Variants in ABCC1 observed in about 807,000 individuals in gnomAD.
The protein encoded by ABCC1 is ATP binding cassette subfamily C member 1 (ABCC1 blood group), also known as multidrug resistance-associated protein 1.
Under a neutral mutation model 172.9 loss-of-function variants are expected in ABCC1, and 83 were observed. The observed-to-expected ratio is 0.48, with a 90% CI of 0.40 to 0.58. The LOEUF is 0.58. Ranked by LOEUF, ABCC1 falls within the 20% of genes least tolerant of loss-of-function variation. The pLI, the probability that ABCC1 is intolerant of heterozygous loss-of-function variation, is 0.00. For synonymous variants in ABCC1, 937 were observed against 825.2 expected (o/e 1.14, Z -2.32); for missense variants, 1,817 against 2,002.7 (o/e 0.91, Z 1.77).
At chr16:16,009,589 C>T (rs933815431) in intron 2 of ABCC1, among the ~76,000 whole-genome samples, 187 bp from the exon 3 acceptor site, 2 of 152,174 alleles carry the variant, frequency 1.3e-5, no homozygotes, top group African/African-American at 4.8e-5. Context: ...ACGTGCCGGC[C>T]TGGATGCCAG....
chr16:16,071,758 G>T, intron 14 of ABCC1, 29 bp downstream of exon 14: 3 of 1,594,410 alleles, frequency 1.9e-6, no homozygotes, highest in Non-Finnish European at 1.7e-6. Context: ...CTGGCTTCTG[G>T]AAGTGGCCGC....
At chr16:16,016,149 G>GTTTTTTTTTTTTTTTTTTT in intron 4 of ABCC1, among the ~76,000 whole-genome samples, 1 of 84,276 alleles carries the variant, frequency 1.2e-5, no homozygotes, top group Non-Finnish European at 2.1e-5. Flanking sequence ...TGTGATCTTG[G>GTTTTTTTTTTTTTTTTTTT]TTTTTTTTTT....
chr16:16,105,199 A>G (rs767609733), intron 20 of ABCC1, among the ~76,000 whole-genome samples: 17 of 152,206 alleles, frequency 1.1e-4, no homozygotes, highest in African/African-American at 3.9e-4. Context: ...TCAATCTTAC[A>G]CAGCCTAAAT....
At chr16:16,138,261 C>G in intron 29 of ABCC1, 103 bp from the exon 30 acceptor site, 1 of 1,102,578 alleles carries the variant, frequency 9.1e-7, no homozygotes, top group South Asian at 1.6e-5. Flanking sequence ...CCTGGTCAAG[C>G]AACATAGAGT....
In ABCC1 at chr16:16,138,471, T is replaced by A; in HGVS notation, c.4400T>A (p.Leu1467His). The change falls in exon 30 of 31, where the codon CTC becomes CAC. Residue 1467 changes from leucine (L) to histidine (H), a missense_variant. This residue lies in a region of ABCC1 where 1,412 missense variants were observed against 1,600.3 expected (regional missense o/e 0.88). Transcript: ENST00000399410. The part of the protein sequence containing the change: ...TAAVDLETDD[L>H]IQSTIRTQFE... ...GCCGTGGACCTGGAAACGGACGACC[T>A]CATCCAGTCCACCATCCGGACACAG... 5 of 1,613,386 alleles carry A rather than the reference T, an allele frequency of 3.1e-6. No individual in the cohort carries two copies. The highest frequency in any genetic ancestry group is 4.2e-6 in the Non-Finnish European group (5 of 1,179,524).
chr16:15,984,211 C>T (rs904005367), intron 1 of ABCC1, among the ~76,000 whole-genome samples: 2 of 152,146 alleles, frequency 1.3e-5, no homozygotes, highest in Admixed American at 6.6e-5. Context: ...GGACATAAGA[C>T]GAGGAAGCCC....
chr16:16,058,976 T>A (rs1356654633), intron 12 of ABCC1, among the ~76,000 whole-genome samples: 1 of 151,786 alleles, frequency 6.6e-6, no homozygotes, highest in Non-Finnish European at 1.5e-5. Context: ...ACTATAAAAC[T>A]CAGCTTTCTG....
intron 28 of ABCC1, among the ~76,000 whole-genome samples, chr16:16,135,659 T>C (rs2045890570): frequency 6.6e-6 from 1 of 152,136 alleles, no homozygotes; most frequent in Admixed American, 6.5e-5. Flanking sequence ...TTTCACCATG[T>C]TACCCAGGCT....
intron 14 of ABCC1, 38 bp from the exon 15 acceptor site, chr16:16,076,288 A>T (rs371104985): frequency 6.2e-7 from 1 of 1,604,766 alleles, no homozygotes; most frequent in Non-Finnish European, 8.5e-7. Context: ...GGAGTCGCAC[A>T]GCTCAGCCTG....
chr16:16,048,269 T>C lies in ABCC1; in HGVS notation c.1346T>C (p.Leu449Pro). The C allele has an allele frequency of 1.2e-6, 2 of 1,614,192 alleles. No homozygotes were observed. Among genetic ancestry groups the C allele is most frequent in the Non-Finnish European group, 1.7e-6 (2 of 1,180,016 alleles). Reference protein sequence around the residue: ...TYINMIWSAPLQVILALYLLW... With the variant: ...TYINMIWSAPPQVILALYLLW... ...ATTAACATGATCTGGTCAGCCCCCC[T>C]GCAAGTCATCCTTGCTCTCTACCTC... Residue 449 changes from leucine (L) to proline (P), a missense_variant, in exon 10 of 31, where the codon CTG becomes CCG. Leu to Pro is a moderately conservative substitution (Grantham distance 98, BLOSUM62 -3). Transcript: ENST00000399410.
At chr16:16,050,872 C>T (rs569000921) in intron 10 of ABCC1, among the ~76,000 whole-genome samples, 2 of 151,960 alleles carry the variant, frequency 1.3e-5, no homozygotes, top group Non-Finnish European at 2.9e-5. Context: ...CCACTGCACT[C>T]CTACCTGGGT....
At chr16:16,065,429 T>G (rs1250923210) in intron 12 of ABCC1, among the ~76,000 whole-genome samples, 5 of 151,938 alleles carry the variant, frequency 3.3e-5, no homozygotes, top group African/African-American at 1.2e-4. Context: ...CTTGACTTAT[T>G]TATTAATATT....
At chr16:16,100,102 A>G (rs1449872237) in intron 19 of ABCC1, among the ~76,000 whole-genome samples, 1 of 152,128 alleles carries the variant, frequency 6.6e-6, no homozygotes, top group Non-Finnish European at 1.5e-5. Context: ...GGAAAAAAAA[A>G]AATGCTGAGA....
At chr16:16,118,883 T>TAAAA (rs397855738) in intron 23 of ABCC1, among the ~76,000 whole-genome samples, 1,321 of 118,344 alleles carry the variant, frequency 0.011, 28 homozygotes, top group African/African-American at 0.04. Flanking sequence ...AAGTGTATAT[T>TAAAA]AAAAAAAAAA....
chr16:15,966,584 A>C (rs2046248109), intron 1 of ABCC1, among the ~76,000 whole-genome samples: 1 of 151,772 alleles, frequency 6.6e-6, no homozygotes, highest in East Asian at 1.9e-4. Flanking sequence ...TAATTTACTA[A>C]CCCAGGATCG....
intron 24 of ABCC1, among the ~76,000 whole-genome samples, chr16:16,122,510 G>GTC (rs2045213955): frequency 6.6e-6 from 1 of 152,180 alleles, no homozygotes; most frequent in East Asian, 1.9e-4. Context: ...CGCTGTTCCC[G>GTC]TCTGGGGGTG....
intron 5 of ABCC1, among the ~76,000 whole-genome samples, chr16:16,020,724 T>C (rs929236733): frequency 1.1e-4 from 16 of 152,218 alleles, no homozygotes; most frequent in Admixed American, 7.2e-4. Flanking sequence ...GCATTCTTTC[T>C]TCCTATGCAA....
chr16:16,137,755 A>G (rs2045970790), intron 29 of ABCC1, among the ~76,000 whole-genome samples: 1 of 151,618 alleles, frequency 6.6e-6, no homozygotes, highest in African/African-American at 2.4e-5. Flanking sequence ...GTATCACCAC[A>G]TTGTCCAGGC....
chr16:15,988,543 TAAGAG>T (rs1429521191), intron 1 of ABCC1, among the ~76,000 whole-genome samples: 3 of 152,116 alleles, frequency 2.0e-5, no homozygotes. Context: ...GAGAGTCTGA[TAAGAG>T]GAGAGGAAGT....
Sources: gnomAD v4.1 joint callset for allele counts (sites outside exome capture counted in the v4.1 genomes callset) on GRCh38, gnomAD v4.1.1 for gene constraint, gnomAD v4.1.1 regional missense constraint, MANE v1.5 for transcripts, NCBI Gene and HGNC (gene_info 2026-07-23, HGNC 2026-07-21) for gene names.